Variants in NPAS3 observed in about 807,000 individuals in gnomAD.
The protein encoded by NPAS3 is neuronal PAS domain protein 3.
A neutral mutation model predicts 73.1 loss-of-function variants in NPAS3; 14 were observed. The ratio of observed to expected loss-of-function variants is 0.19; its 90% confidence interval spans 0.13 to 0.30. The LOEUF is 0.30. Ranked by LOEUF, NPAS3 falls within the 10% of genes least tolerant of loss-of-function variation. The probability of loss-of-function intolerance (pLI) is 1.00; values close to 1 mark genes in which losing one functional copy is unlikely to be tolerated. For missense variants in NPAS3, 1,096 were observed against 1,250.0 expected (o/e 0.88, Z 1.86); for synonymous variants, 620 against 541.5 (o/e 1.14, Z -2.01).
intron 2 of NPAS3, among the ~76,000 whole-genome samples, chr14:33,133,313 T>C (rs2043709265): frequency 6.6e-6 from 1 of 152,180 alleles, no homozygotes; most frequent in Non-Finnish European, 1.5e-5. Context: ...CTGACAGTTA[T>C]GAAGGGATTT....
At chr14:33,498,578 A>G (rs951523957) in intron 4 of NPAS3, among the ~76,000 whole-genome samples, 3 of 152,128 alleles carry the variant, frequency 2.0e-5, no homozygotes, top group African/African-American at 7.2e-5. Context: ...ACTCTCAGCA[A>G]ACTAACACAG....
chr14:33,292,364 A>G (rs2042134420), intron 3 of NPAS3, among the ~76,000 whole-genome samples: 1 of 152,110 alleles, frequency 6.6e-6, no homozygotes, highest in Admixed American at 6.5e-5. Flanking sequence ...TCTGTCCTCG[A>G]CGTTTTCTGA....
At chr14:33,067,713 G>A (rs1358097918) in intron 2 of NPAS3, among the ~76,000 whole-genome samples, 1 of 152,212 alleles carries the variant, frequency 6.6e-6, no homozygotes, top group Non-Finnish European at 1.5e-5. Flanking sequence ...CAGCTCGGGT[G>A]TAACATGGCT....
At chr14:33,007,250 C>T (rs865955229) in intron 1 of NPAS3, among the ~76,000 whole-genome samples, 5 of 152,266 alleles carry the variant, frequency 3.3e-5, no homozygotes, top group South Asian at 2.1e-4. Context: ...CTGGATGCCA[C>T]AAGGTGCAGG....
At chr14:33,062,699 A>T (rs772898968) in intron 2 of NPAS3, among the ~76,000 whole-genome samples, 4 of 152,256 alleles carry the variant, frequency 2.6e-5, no homozygotes, top group Non-Finnish European at 5.9e-5. Context: ...TGAGAGGTGT[A>T]GCACCACAAC....
intron 3 of NPAS3, among the ~76,000 whole-genome samples, chr14:33,346,596 C>T (rs2044747198): frequency 6.6e-6 from 1 of 151,328 alleles, no homozygotes; most frequent in Non-Finnish European, 1.5e-5. Flanking sequence ...TGATCTTTGC[C>T]CTCAAGAAAA....
chr14:33,497,891 C>T lies in NPAS3; in HGVS notation c.469-62230C>T, dbSNP rs138750880. On this transcript the variant is annotated intron_variant, in intron 4 of 11. Coordinates refer to ENST00000356141, the Ensembl canonical transcript of NPAS3. ...AGCTCTACACAGCAAACAAAACGAC[C>T]GTCAGAGTGAACAGGCAACCTACAG... Among the ~76,000 whole-genome samples, 962 of 152,108 alleles carry T rather than the reference C, an allele frequency of 6.3e-3. 15 individuals carry two copies. Among genetic ancestry groups the T allele is most frequent in the African/African-American group, 0.022 (921 of 41,500 alleles).
chr14:33,231,841 C>T (rs2047863530), intron 3 of NPAS3, among the ~76,000 whole-genome samples: 2 of 152,090 alleles, frequency 1.3e-5, no homozygotes, highest in South Asian at 4.1e-4. Context: ...ACCAGTTTTT[C>T]CAAATGAAAT....
intron 1 of NPAS3, among the ~76,000 whole-genome samples, chr14:33,017,630 T>C (rs1198307158): frequency 6.6e-6 from 1 of 152,178 alleles, no homozygotes; most frequent in African/African-American, 2.4e-5. Flanking sequence ...ATTGATGGTG[T>C]GGGGGTTAAG....
chr14:32,958,342 C>G (rs1177214201), intron 1 of NPAS3, among the ~76,000 whole-genome samples: 1 of 152,206 alleles, frequency 6.6e-6, no homozygotes. Context: ...TACCTCCAAA[C>G]CTGAGGTCAT....
chr14:33,351,625 C>T (rs1458545937), intron 3 of NPAS3, among the ~76,000 whole-genome samples: 1 of 152,202 alleles, frequency 6.6e-6, no homozygotes, highest in Non-Finnish European at 1.5e-5. Context: ...CCATGCCATA[C>T]CGCTTCTTTT....
intron 4 of NPAS3, among the ~76,000 whole-genome samples, chr14:33,550,633 T>A (rs2055067147): frequency 6.6e-6 from 1 of 152,172 alleles, no homozygotes; most frequent in Non-Finnish European, 1.5e-5. Flanking sequence ...CAGCCAACTG[T>A]GAAATGAAAG....
At chr14:33,096,669 A>T (rs151201172) in intron 2 of NPAS3, among the ~76,000 whole-genome samples, 1 of 152,370 alleles carries the variant, frequency 6.6e-6, no homozygotes, top group African/African-American at 2.4e-5. Context: ...GCTTCTAGTT[A>T]TCATGAGCTT....
At chr14:33,318,889 G>A (rs1047909066) in intron 3 of NPAS3, among the ~76,000 whole-genome samples, 2 of 151,894 alleles carry the variant, frequency 1.3e-5, no homozygotes, top group African/African-American at 2.4e-5. Flanking sequence ...CTTAGAATCC[G>A]TACAGTTATA....
intron 2 of NPAS3, among the ~76,000 whole-genome samples, chr14:33,076,022 C>T (rs2041645667): frequency 6.6e-6 from 1 of 152,082 alleles, no homozygotes; most frequent in South Asian, 2.1e-4. Flanking sequence ...TGTATTTTTG[C>T]ATTTTCCATC....
chr14:33,126,721 C>A (rs1036761367), intron 2 of NPAS3, among the ~76,000 whole-genome samples: 2 of 152,060 alleles, frequency 1.3e-5, no homozygotes, highest in Non-Finnish European at 2.9e-5. Flanking sequence ...CCTTGTTCTA[C>A]TTGGTAGGTT....
intron 2 of NPAS3, among the ~76,000 whole-genome samples, chr14:33,181,186 T>A (rs905377859): frequency 6.6e-6 from 1 of 152,182 alleles, no homozygotes; most frequent in Non-Finnish European, 1.5e-5. Flanking sequence ...TGCTTAAAGA[T>A]GACAAGGCCG....
intron 3 of NPAS3, among the ~76,000 whole-genome samples, chr14:33,349,828 G>A (rs2044942247): frequency 6.6e-6 from 1 of 152,188 alleles, no homozygotes; most frequent in Admixed American, 6.5e-5. Flanking sequence ...GATGCTAGTG[G>A]CATAACTGGA....
At chr14:33,020,678 T>C (rs1401272184) in intron 1 of NPAS3, among the ~76,000 whole-genome samples, 7 of 152,114 alleles carry the variant, frequency 4.6e-5, no homozygotes, top group Non-Finnish European at 1.0e-4. Context: ...CGCCTGCTTC[T>C]GCCACACCAA....
Sources: gnomAD v4.1 joint callset for allele counts (sites outside exome capture counted in the v4.1 genomes callset) on GRCh38, gnomAD v4.1.1 for gene constraint, MANE v1.5 for transcripts, NCBI Gene and HGNC (gene_info 2026-07-23, HGNC 2026-07-21) for gene names.